The following SENP2 variants were observed in gnomAD, a reference collection of about 807,000 sequenced individuals.
The protein encoded by SENP2 is SUMO specific peptidase 2.
Under a neutral mutation model 86.3 loss-of-function variants are expected in SENP2, and 16 were observed. The ratio of observed to expected loss-of-function variants is 0.19; its 90% CI spans 0.13 to 0.28. The LOEUF is 0.28. Among genes scored for constraint, SENP2 ranks in the 10% least tolerant of loss-of-function variants. The pLI, the probability that SENP2 is intolerant of heterozygous loss-of-function variation, is 1.00. For synonymous variants in SENP2, 222 were observed against 238.7 expected, an observed-to-expected ratio of 0.93 and a Z score of 0.64; for missense variants, 552 against 703.0, an observed-to-expected ratio of 0.79 and a Z score of 2.43.
Position 185,631,823 on chromosome 3 carries a change from T to C in SENP2, c.*1979T>C, listed in dbSNP as rs1456737946. On this transcript the variant is annotated 3_prime_UTR_variant, in exon 17 of 17. Coordinates refer to ENST00000296257, the MANE Select transcript of SENP2 (RefSeq NM_021627.3). ...CATGCTAGGTAAGTCCTGTTAGGAA[T>C]GTCAGTTTGTATTCCGCCCACGTGA... 3 of 150,304 alleles carry C rather than the reference T, an allele frequency of 2.0e-5. No individual in the cohort carries two copies. 9.3% of individuals were successfully genotyped at this position (150,304 alleles called of 1,614,324 possible).
intron 5 of SENP2, among the ~76,000 whole-genome samples, chr3:185,602,832 TAA>T (rs1156317272): frequency 6.8e-4 from 43 of 63,040 alleles, no homozygotes; most frequent in African/African-American, 2.7e-3. Context: ...GACTCTGTCT[TAA>T]AAAAAAAAAA....
At chr3:185,589,962 C>G (rs1335679347) in intron 1 of SENP2, 152 bp from the exon 2 acceptor site, 2 of 409,976 alleles carry the variant, frequency 4.9e-6, no homozygotes, top group Admixed American at 9.4e-5. Flanking sequence ...GCCACTGTGT[C>G]CCACCAGCAT....
At chr3:185,608,771 G>A (rs567162090) in intron 6 of SENP2, among the ~76,000 whole-genome samples, 2 of 152,308 alleles carry the variant, frequency 1.3e-5, no homozygotes, top group East Asian at 3.9e-4. Flanking sequence ...AGCAAGGCAG[G>A]TCAGCAGGGT....
chr3:185,629,827 C>T lies in SENP2; in HGVS notation c.1753C>T (p.His585Tyr). Reference sequence around the variant, plus strand: ...GAAGAAGATGGTGTGGGAAATCCTTCATCAGCAGTTGCTGTGAGAAAACTT... The same window carrying T: ...GAAGAAGATGGTGTGGGAAATCCTTTATCAGCAGTTGCTGTGAGAAAACTT... ...FRKKMVWEIL[H>Y]QQLL Residue 585 changes from histidine (H) to tyrosine (Y), a missense_variant, in exon 17 of 17, where the codon CAT becomes TAT. His to Tyr is a moderately conservative substitution (Grantham distance 83). Around this residue, in one of 2 missense-constraint regions of SENP2, gnomAD observed 169 missense variants for 275.7 expected, o/e 0.61. Coordinates refer to ENST00000296257, the MANE Select transcript of SENP2 (RefSeq NM_021627.3). 6.2e-7 allele frequency: 1 copy of T among 1,614,160 alleles called. No individual in the cohort carries two copies. The highest frequency in any genetic ancestry group is 2.2e-5 in the East Asian group (1 of 44,886).
chr3:185,604,115 C>G (rs937480600), intron 5 of SENP2, among the ~76,000 whole-genome samples: 1 of 151,738 alleles, frequency 6.6e-6, no homozygotes, highest in Admixed American at 6.6e-5. Flanking sequence ...AGTGAGACAC[C>G]GTCTCAAAAA....
Position 185,606,216 on chromosome 3 carries a change from G to T in SENP2, c.450-114G>T, listed in dbSNP as rs77086556. ...TTGCATAATTGTACTTGTCTGACTT[G>T]CCAGGAGTAAGCTTGACCTAAAGCA... On this transcript the variant is annotated intron_variant, in intron 5 of 16. Transcript: ENST00000296257. 612 of 873,094 alleles carry T rather than the reference G, an allele frequency of 7.0e-4. 1 individual carries two copies. In the African/African-American group the frequency reaches 9.0e-3, roughly 13 times the overall value. 54.1% of individuals were successfully genotyped at this position (873,094 alleles called of 1,614,324 possible). A position where few individuals can be genotyped will look rare whatever the true frequency, so the allele number is the denominator to read the frequency against.
intron 10 of SENP2, 145 bp downstream of exon 10, chr3:185,613,553 A>G (rs997740142): frequency 3.2e-5 from 16 of 505,674 alleles, no homozygotes; most frequent in Non-Finnish European, 4.5e-5. Flanking sequence ...CAAGCCAGCC[A>G]GTCACAGTGG....
At chr3:185,629,123 TAAA>T (rs960278553) in intron 16 of SENP2, among the ~76,000 whole-genome samples, 2 of 152,118 alleles carry the variant, frequency 1.3e-5, no homozygotes, top group African/African-American at 2.4e-5. Context: ...GTTTTTCTCA[TAAA>T]AAAACAGAAT....
chr3:185,629,656 T>C (rs1712324124), intron 16 of SENP2, 126 bp from the exon 17 acceptor site: 2 of 836,874 alleles, frequency 2.4e-6, no homozygotes, highest in African/African-American at 1.7e-5. Flanking sequence ...TGTTCCATGA[T>C]GTAAAAATGT....
chr3:185,607,693 GT>G (rs778412942), intron 6 of SENP2, among the ~76,000 whole-genome samples: 1 of 151,018 alleles, frequency 6.6e-6, no homozygotes, highest in African/African-American at 2.4e-5. Context: ...AATTTACCAA[GT>G]TTTTTTTTAT....
At chr3:185,599,172 TTC>T in intron 4 of SENP2, 148 bp downstream of exon 4, 1 of 604,212 alleles carries the variant, frequency 1.7e-6, no homozygotes, top group Non-Finnish European at 2.9e-6. Flanking sequence ...ATAGCTTTTC[TTC>T]AGAATTGTTG....
chr3:185,630,088 C>A lies in SENP2; in HGVS notation c.*244C>A. On this transcript the variant is annotated 3_prime_UTR_variant, in exon 17 of 17. Coordinates refer to ENST00000296257, the MANE Select transcript of SENP2 (RefSeq NM_021627.3). Reference sequence around the variant, plus strand: ...TTGGACTGTTCAACCCACACAAGAACAAACGCTAACTAATATTTTTTTTAA... The same window carrying A: ...TTGGACTGTTCAACCCACACAAGAAAAAACGCTAACTAATATTTTTTTTAA... 2.5e-6 allele frequency: 1 copy of A among 399,228 alleles called. No homozygotes were observed. Among genetic ancestry groups the A allele is most frequent in the Non-Finnish European group, 4.6e-6 (1 of 218,478 alleles). 24.7% of individuals were successfully genotyped at this position (399,228 alleles called of 1,614,324 possible).
In SENP2 at chr3:185,630,158, G is replaced by A. The variant is rs1560204551; in HGVS notation, c.*314G>A. 7.6e-6 allele frequency: 2 copies of A among 263,290 alleles called. No homozygotes were observed. The highest frequency in any genetic ancestry group is 2.1e-5 in the African/African-American group (1 of 47,194). 16.3% of individuals were successfully genotyped at this position (263,290 alleles called of 1,614,324 possible). A position where few individuals can be genotyped will look rare whatever the true frequency, so the allele number is the denominator to read the frequency against. ...ATGTGGGAAATGCAGGATTTATTCT[G>A]TGAATTGTTTGTTTCTGTGTGTTTG... On this transcript the variant is annotated 3_prime_UTR_variant, in exon 17 of 17. Transcript: ENST00000296257.
Position 185,592,007 on chromosome 3 carries a change from A to ATTTTTTT in SENP2, c.157+1841_157+1842insTTTTTTT, listed in dbSNP as rs1261238822. 5.3e-3 allele frequency among the ~76,000 whole-genome samples: 186 copies of ATTTTTTT among 35,060 alleles called. 3 individuals carry two copies. The highest frequency in any genetic ancestry group is 7.5e-3 in the East Asian group (9 of 1,194). The allele number at this position is 35,060 out of a possible 152,430, so 23.0% of individuals were successfully genotyped here. On this transcript the variant is annotated intron_variant, in intron 2 of 16. Coordinates refer to ENST00000296257, the MANE Select transcript of SENP2 (RefSeq NM_021627.3). ...ACTCCTGTCTTTAAGAACCGGTAATATTTCTTTTTTTTTTTTTTTTTTTTT... is the reference window on the plus strand; with the variant it reads ...ACTCCTGTCTTTAAGAACCGGTAATATTTTTTTTTTCTTTTTTTTTTTTTTTTTTTTT...
chr3:185,601,642 T>A (rs1722350409), intron 5 of SENP2, among the ~76,000 whole-genome samples: 1 of 59,894 alleles, frequency 1.7e-5, no homozygotes, highest in Non-Finnish European at 3.5e-5. Flanking sequence ...GTTCTTGCTT[T>A]TTTTTTTTTT....
chr3:185,613,988 A>T (rs1331295949), intron 10 of SENP2, among the ~76,000 whole-genome samples: 1 of 152,112 alleles, frequency 6.6e-6, no homozygotes, highest in Non-Finnish European at 1.5e-5. Context: ...ATGGCTTCTT[A>T]GGGAGAATTT....
intron 5 of SENP2, among the ~76,000 whole-genome samples, chr3:185,605,013 C>G (rs1024496601): frequency 4.0e-5 from 6 of 151,514 alleles, no homozygotes; most frequent in Non-Finnish European, 8.8e-5. Flanking sequence ...CTCAGCCTCC[C>G]AAAGTACTGG....
Position 185,588,050 on chromosome 3 carries a change from ATTTTTTTTTTT to A in SENP2, c.101+1551_101+1561del, listed in dbSNP as rs1196425963. Among the ~76,000 whole-genome samples, 5 of 64,790 alleles carry A rather than the reference ATTTTTTTTTTT, an allele frequency of 7.7e-5. No homozygotes were observed. In the East Asian group the frequency reaches 1.3e-3, roughly 17 times the overall value. 42.5% of individuals were successfully genotyped at this position (64,790 alleles called of 152,430 possible). On this transcript the variant is annotated intron_variant, in intron 1 of 16. Coordinates refer to ENST00000296257, the MANE Select transcript of SENP2 (RefSeq NM_021627.3). Reference sequence around the variant, plus strand: ...CACAGCGCCCGGCCACTACCGGCTAATTTTTTTTTTTTTTTTTTTTTTTTTGAGGCGGAGTC... The same window carrying A: ...CACAGCGCCCGGCCACTACCGGCTAATTTTTTTTTTTTTTGAGGCGGAGTC...
intron 2 of SENP2, among the ~76,000 whole-genome samples, chr3:185,593,488 A>T (rs1722074887): frequency 6.6e-6 from 1 of 152,172 alleles, no homozygotes; most frequent in African/African-American, 2.4e-5. Context: ...ATAGATACCA[A>T]TTTAGGAAAT....
Sources: gnomAD v4.1 joint callset for allele counts (sites outside exome capture counted in the v4.1 genomes callset) on GRCh38, gnomAD v4.1.1 for gene constraint, gnomAD v4.1.1 regional missense constraint, MANE v1.5 for transcripts, NCBI Gene and HGNC (gene_info 2026-07-23, HGNC 2026-07-21) for gene names.